Variants in RNF149 observed in about 807,000 individuals in gnomAD.
RNF149 encodes the protein ring finger protein 149.
A neutral mutation model predicts 39.0 loss-of-function variants in RNF149; 21 were observed. The observed-to-expected ratio is 0.54, with a 90% CI of 0.38 to 0.77. RNF149 has a LOEUF of 0.77. RNF149 is among the 30% of genes least tolerant of loss of function. RNF149 has a pLI of 0.00. For synonymous variants in RNF149, 209 were observed against 213.6 expected (o/e 0.98, Z 0.19); for missense variants, 493 against 534.9 (o/e 0.92, Z 0.77).
At chr2:101,274,420 T>G (rs375245881), downstream of RNF149, among the ~76,000 whole-genome samples, 2 of 152,370 alleles carry the variant, frequency 1.3e-5, no homozygotes, top group South Asian at 2.1e-4. Flanking sequence ...ACGTAAACCC[T>G]GGAATAATTC....
At chr2:101,279,711 T>C (rs1388295726) in intron 6 of RNF149, among the ~76,000 whole-genome samples, 2 of 152,342 alleles carry the variant, frequency 1.3e-5, no homozygotes, top group Middle Eastern at 3.4e-3. Context: ...TCTCCTTTTT[T>C]TGTTCCACAA....
In RNF149 at chr2:101,308,632, G is replaced by T. The variant is rs777220366; in HGVS notation, c.-44C>A. The T allele has an allele frequency of 2.8e-5, 41 of 1,451,916 alleles. No homozygotes were observed. Among genetic ancestry groups the T allele is most frequent in the Middle Eastern group, 1.9e-4 (1 of 5,212 alleles). The allele number at this position is 1,451,916 out of a possible 1,614,324, so 89.9% of individuals were successfully genotyped here. A position where few individuals can be genotyped will look rare whatever the true frequency, so the allele number is the denominator to read the frequency against. Reference sequence around the variant, plus strand: ...ACTAGGGGGAGTCAGGGTCACGCGCGAGTGCGGTGCAGTCGAAGAGCAGAG... The same window carrying T: ...ACTAGGGGGAGTCAGGGTCACGCGCTAGTGCGGTGCAGTCGAAGAGCAGAG... On this transcript the variant is annotated 5_prime_UTR_variant, in exon 1 of 7. Transcript: ENST00000295317.
At chr2:101,302,544 C>T (rs1259507167) in intron 1 of RNF149, among the ~76,000 whole-genome samples, 2 of 152,144 alleles carry the variant, frequency 1.3e-5, no homozygotes, top group East Asian at 3.9e-4. Context: ...GTTAATGTAA[C>T]TTGACAATGT....
chr2:101,303,993 T>C (rs1204035268), intron 1 of RNF149, among the ~76,000 whole-genome samples: 2 of 152,214 alleles, frequency 1.3e-5, no homozygotes, highest in African/African-American at 4.8e-5. Context: ...CAAACATATG[T>C]ATGTTAATTT....
intron 1 of RNF149, among the ~76,000 whole-genome samples, chr2:101,297,187 C>T (rs765285209): frequency 4.6e-5 from 7 of 151,228 alleles, no homozygotes; most frequent in South Asian, 2.1e-4. Flanking sequence ...CCAGCCTGGG[C>T]GACAAGAGCA....
intron 3 of RNF149, among the ~76,000 whole-genome samples, chr2:101,291,720 AG>A (rs1299340023): frequency 6.6e-6 from 1 of 152,248 alleles, no homozygotes; most frequent in African/African-American, 2.4e-5. Flanking sequence ...TAATTTTTAA[AG>A]TCTCTAATAA....
intron 3 of RNF149, among the ~76,000 whole-genome samples, chr2:101,292,761 A>G (rs889442748): frequency 7.9e-5 from 12 of 152,040 alleles, no homozygotes; most frequent in African/African-American, 2.7e-4. Flanking sequence ...GCGAGACTCC[A>G]TCTCAAATGA....
At chr2:101,282,149 TTACG>T (rs1205497527) in intron 5 of RNF149, 92 bp from the exon 6 acceptor site, 7 of 1,527,334 alleles carry the variant, frequency 4.6e-6, no homozygotes, top group Non-Finnish European at 5.3e-6. Flanking sequence ...ACACACAATA[TTACG>T]TACTTCTGTA....
chr2:101,275,430 TC>T (rs1682302858), downstream of RNF149, among the ~76,000 whole-genome samples: 9 of 116,128 alleles, frequency 7.8e-5, no homozygotes, highest in Admixed American at 2.0e-4. Context: ...CCCTAGTATT[TC>T]TTTTTTTTTT....
chr2:101,280,312 C>T (rs556177261), intron 6 of RNF149, among the ~76,000 whole-genome samples: 1 of 152,106 alleles, frequency 6.6e-6, no homozygotes, highest in African/African-American at 2.4e-5. Context: ...AATTATTATT[C>T]ACTAAACAAT....
intron 1 of RNF149, among the ~76,000 whole-genome samples, chr2:101,300,670 C>G (rs1217835654): frequency 6.6e-6 from 1 of 151,938 alleles, no homozygotes; most frequent in Non-Finnish European, 1.5e-5. Context: ...CCAAAAAAAC[C>G]TGCCTAGCAT....
chr2:101,308,655 G>GA lies in RNF149; in HGVS notation c.-68dup. ...GCGAGTGCGGTGCAGTCGAAGAGCA[G>GA]AGAGAAGCGGACACCCACCGCCGCC... On this transcript the variant is annotated 5_prime_UTR_variant, in exon 1 of 7. Coordinates refer to ENST00000295317, the MANE Select transcript of RNF149 (RefSeq NM_173647.4). 7.4e-7 allele frequency: 1 copy of GA among 1,353,744 alleles called. No homozygotes were observed. Among genetic ancestry groups the GA allele is most frequent in the Non-Finnish European group, 9.7e-7 (1 of 1,035,918 alleles). 83.9% of individuals were successfully genotyped at this position (1,353,744 alleles called of 1,614,324 possible). A position where few individuals can be genotyped will look rare whatever the true frequency, so the allele number is the denominator to read the frequency against.
rs764346646 is a variant in RNF149, at chr2:101,276,509, C to T, written c.*729G>A. 6.1e-6 allele frequency: 6 copies of T among 985,732 alleles called. No individual in the cohort carries two copies. In the African/African-American group the frequency reaches 1.0e-4, roughly 17 times the overall value. 61.1% of individuals were successfully genotyped at this position (985,732 alleles called of 1,614,324 possible). On this transcript the variant is annotated 3_prime_UTR_variant, in exon 7 of 7. Transcript: ENST00000295317. ...GAGTCTGCCTACTCATTTTCCTTAA[C>T]AAGGCAATGAAGAACTTAATGCTCA...
At chr2:101,282,382 G>A (rs1278722283) in intron 5 of RNF149, among the ~76,000 whole-genome samples, 1 of 152,122 alleles carries the variant, frequency 6.6e-6, no homozygotes, top group Non-Finnish European at 1.5e-5. Context: ...TGAGGCCATA[G>A]CCATGAACTC....
In RNF149 at chr2:101,300,725, G is replaced by A. The variant is rs72986739; in HGVS notation, c.461-5544C>T. 2.8e-3 allele frequency among the ~76,000 whole-genome samples: 433 copies of A among 152,312 alleles called. 2 individuals carry two copies. Among genetic ancestry groups the A allele is most frequent in the African/African-American group, 9.7e-3 (403 of 41,568 alleles). On this transcript the variant is annotated intron_variant, in intron 1 of 6. Transcript: ENST00000295317. ...ATATTATAATCATAGCAGCAAGATTGCTTCTGGGAATTATTTTAAATTAAC... is the reference window on the plus strand; with the variant it reads ...ATATTATAATCATAGCAGCAAGATTACTTCTGGGAATTATTTTAAATTAAC...
downstream of RNF149, among the ~76,000 whole-genome samples, chr2:101,272,201 G>A (rs1000302319): frequency 3.9e-5 from 6 of 152,208 alleles, no homozygotes; most frequent in East Asian, 9.6e-4. Flanking sequence ...GTATAATCCC[G>A]GATCTGATAC....
In RNF149 at chr2:101,276,709, T is replaced by A. The variant is rs1682357727; in HGVS notation, c.*529A>T. 1.0e-6 allele frequency: 1 copy of A among 985,792 alleles called. No individual in the cohort carries two copies. Among genetic ancestry groups the A allele is most frequent in the Non-Finnish European group, 1.2e-6 (1 of 830,176 alleles). 61.1% of individuals were successfully genotyped at this position (985,792 alleles called of 1,614,324 possible). A position where few individuals can be genotyped will look rare whatever the true frequency, so the allele number is the denominator to read the frequency against. ...AAAGTGCTCTCAGGTTTTGAAATCT[T>A]CACATACACTACAGATGGGCAAAAA... On this transcript the variant is annotated 3_prime_UTR_variant, in exon 7 of 7. Transcript: ENST00000295317.
rs1368028316 is a variant in RNF149, at chr2:101,294,068, T to G, written c.726A>C (p.Glu242Asp). ...SQIGSQSHRK[E>D]TKKVIGQLLL... ...GAAGCTGGCCAATAACTTTCTTAGTTTCTTTTCTATGGCTCTTGGGTAGGA... is the reference window on the plus strand; with the variant it reads ...GAAGCTGGCCAATAACTTTCTTAGTGTCTTTTCTATGGCTCTTGGGTAGGA... Residue 242 changes from glutamate to aspartate, a missense_variant, in exon 3 of 7, where the codon GAA becomes GAC. Glu to Asp is a conservative substitution (Grantham distance 45). Transcript: ENST00000295317. The G allele has an allele frequency of 5.8e-6, 9 of 1,559,696 alleles. No homozygotes were observed. The highest frequency in any genetic ancestry group is 4.5e-5 in the East Asian group (2 of 44,582).
chr2:101,307,442 G>C (rs956721293), intron 1 of RNF149, among the ~76,000 whole-genome samples: 3 of 152,330 alleles, frequency 2.0e-5, no homozygotes, highest in Non-Finnish European at 1.5e-5. Flanking sequence ...GCCTCCCAAA[G>C]TGCTGGGATT....
Sources: allele counts gnomAD v4.1 joint callset (sites outside exome capture counted in the v4.1 genomes callset), GRCh38; gene constraint gnomAD v4.1.1; transcripts MANE v1.5; gene names NCBI Gene and HGNC (gene_info 2026-07-23, HGNC 2026-07-21).